The following ELP4 variants were observed in gnomAD, a reference collection of about 807,000 sequenced individuals.
ELP4 encodes elongator complex protein 4.
ELP4 carries 51 observed loss-of-function variants against 48.9 expected under a neutral mutation model. That is an observed-to-expected ratio of 1.04 (90% CI 0.83 to 1.32). The LOEUF (loss-of-function observed/expected upper bound fraction) is 1.32, where lower values mean the gene tolerates loss of function less well. Among genes scored for constraint, ELP4 ranks in the 40% most tolerant of loss-of-function variants. ELP4 has a pLI of 0.00. For missense variants in ELP4, 519 were observed against 514.6 expected, an observed-to-expected ratio of 1.01 and a Z score of -0.08; for synonymous variants, 210 against 189.2, an observed-to-expected ratio of 1.11 and a Z score of -0.90.
At chr11:31,629,999 TAA>T (rs1423299366) in intron 6 of ELP4, among the ~76,000 whole-genome samples, 1 of 152,062 alleles carries the variant, frequency 6.6e-6, no homozygotes, top group Non-Finnish European at 1.5e-5. Context: ...ACTTCTAACC[TAA>T]GCCCTGGTAC....
intron 9 of ELP4, among the ~76,000 whole-genome samples, chr11:31,714,022 T>C (rs866680798): frequency 6.6e-6 from 1 of 152,142 alleles, no homozygotes. Context: ...GAATGCCAAG[T>C]AGAGTAGAAA....
At chr11:31,655,676 G>A (rs1173424432) in intron 9 of ELP4, among the ~76,000 whole-genome samples, 3 of 151,976 alleles carry the variant, frequency 2.0e-5, no homozygotes, top group South Asian at 4.1e-4. Flanking sequence ...CAATCATGCG[G>A]TATTAAAGTT....
chr11:31,741,326 A>T (rs1282354574), intron 9 of ELP4, among the ~76,000 whole-genome samples: 1 of 152,230 alleles, frequency 6.6e-6, no homozygotes, highest in Non-Finnish European at 1.5e-5. Context: ...GGGGCAGGGC[A>T]CAGACAAACA....
At chr11:31,764,690 A>G (rs1382687894) in intron 9 of ELP4, among the ~76,000 whole-genome samples, 1 of 152,226 alleles carries the variant, frequency 6.6e-6, no homozygotes, top group East Asian at 1.9e-4. Flanking sequence ...GCTTTACCAC[A>G]ATGGAATATA....
intron 9 of ELP4, among the ~76,000 whole-genome samples, chr11:31,703,590 G>A (rs1314618305): frequency 1.3e-5 from 2 of 152,024 alleles, no homozygotes; most frequent in Admixed American, 6.6e-5. Flanking sequence ...AAAGATTGTC[G>A]CCTAAATCTC....
At chr11:31,587,617 T>C (rs966425741) in intron 3 of ELP4, among the ~76,000 whole-genome samples, 7 of 152,208 alleles carry the variant, frequency 4.6e-5, no homozygotes. Flanking sequence ...TCTTTCCATT[T>C]TACTTTATTT....
chr11:31,650,747 A>G (rs1319278683), intron 9 of ELP4: 1 of 151,818 alleles, frequency 6.6e-6, no homozygotes, highest in East Asian at 1.9e-4. Context: ...TACGTAAGCA[A>G]TGGTGACAGA....
intron 3 of ELP4, among the ~76,000 whole-genome samples, chr11:31,552,048 G>A (rs1467962085): frequency 6.6e-6 from 1 of 151,992 alleles, no homozygotes; most frequent in Non-Finnish European, 1.5e-5. Context: ...TGTTACTGTG[G>A]TCATCTCTCA....
At chr11:31,623,214 G>C (rs1269081930) in intron 5 of ELP4, among the ~76,000 whole-genome samples, 2 of 150,152 alleles carry the variant, frequency 1.3e-5, no homozygotes, top group South Asian at 2.1e-4. Context: ...ATTTTTAACT[G>C]GGTTTACTTC....
At chr11:31,759,911 C>G (rs1190478616) in intron 9 of ELP4, among the ~76,000 whole-genome samples, 1 of 151,902 alleles carries the variant, frequency 6.6e-6, no homozygotes, top group Non-Finnish European at 1.5e-5. Context: ...TTCACTTGGC[C>G]AGGGTAGTCT....
intron 3 of ELP4, among the ~76,000 whole-genome samples, chr11:31,559,864 T>A (rs1307668673): frequency 6.7e-6 from 1 of 149,196 alleles, no homozygotes; most frequent in East Asian, 2.0e-4. Flanking sequence ...GATTGCGCCA[T>A]TGCACTCCAG....
chr11:31,666,638 G>C (rs1351405896), intron 9 of ELP4, among the ~76,000 whole-genome samples: 1 of 149,132 alleles, frequency 6.7e-6, no homozygotes, highest in East Asian at 2.0e-4. Context: ...ATTGCAGTGA[G>C]CCGAGATTGC....
intron 9 of ELP4, among the ~76,000 whole-genome samples, chr11:31,745,794 G>A (rs1284438310): frequency 6.6e-6 from 1 of 152,168 alleles, no homozygotes; most frequent in Non-Finnish European, 1.5e-5. Context: ...AACCCTAGAA[G>A]AAAACCTAGG....
At chr11:31,618,221 A>C (rs955117886) in intron 5 of ELP4, among the ~76,000 whole-genome samples, 1 of 152,098 alleles carries the variant, frequency 6.6e-6, no homozygotes, top group African/African-American at 2.4e-5. Context: ...GAGAGAAAAC[A>C]ATTGTCTTAG....
chr11:31,533,579 G>A (rs1956443620), intron 2 of ELP4, among the ~76,000 whole-genome samples: 3 of 150,480 alleles, frequency 2.0e-5, no homozygotes, highest in South Asian at 4.2e-4. Flanking sequence ...TAGTAGAGAC[G>A]GGGTTTCACC....
At chr11:31,676,367 A>T (rs1468128639) in intron 9 of ELP4, among the ~76,000 whole-genome samples, 1 of 152,124 alleles carries the variant, frequency 6.6e-6, no homozygotes, top group African/African-American at 2.4e-5. Context: ...AATCTGCTTC[A>T]TGTTTTCCCA....
chr11:31,574,266 G>A (rs1336097167), intron 3 of ELP4, among the ~76,000 whole-genome samples: 2 of 152,202 alleles, frequency 1.3e-5, no homozygotes, highest in Non-Finnish European at 2.9e-5. Context: ...TGAGGCTTGA[G>A]TAGGTAAACA....
At chr11:31,711,147 T>TA (rs1447542711) in intron 9 of ELP4, among the ~76,000 whole-genome samples, 1 of 152,212 alleles carries the variant, frequency 6.6e-6, no homozygotes, top group Admixed American at 6.5e-5. Flanking sequence ...TACATAAATG[T>TA]AAAAAACAAA....
chr11:31,550,198 T>G (rs1956820506), intron 3 of ELP4, among the ~76,000 whole-genome samples: 1 of 152,108 alleles, frequency 6.6e-6, no homozygotes, highest in South Asian at 2.1e-4. Context: ...TCAGAAGGAC[T>G]GGAAATAAGT....
Sources: allele counts gnomAD v4.1 joint callset (sites outside exome capture counted in the v4.1 genomes callset), GRCh38; gene constraint gnomAD v4.1.1; transcripts MANE v1.5; gene names NCBI Gene and HGNC (gene_info 2026-07-23, HGNC 2026-07-21).